ASZ1: variants seen among roughly 807,000 people sequenced by gnomAD.
ASZ1 encodes the protein ankyrin repeat, SAM and basic leucine zipper domain-containing protein 1.
In ASZ1, 67 loss-of-function variants were observed where a neutral mutation model predicts 61.8. The ratio of observed to expected loss-of-function variants is 1.08; its 90% CI spans 0.89 to 1.33. The LOEUF (loss-of-function observed/expected upper bound fraction) is 1.33, where lower values mean the gene tolerates loss of function less well. Among genes scored for constraint, ASZ1 ranks in the 40% most tolerant of loss-of-function variants. The pLI is 0.00. For missense variants in ASZ1, 577 were observed against 554.5 expected (o/e 1.04, Z -0.41); for synonymous variants, 193 against 192.7 (o/e 1.00, Z -0.01).
In ASZ1 at chr7:117,367,343, A is replaced by T; in HGVS notation, c.1275+9T>A. The T allele has an allele frequency of 6.8e-7, 1 of 1,477,096 alleles. No individual in the cohort carries two copies. The allele number at this position is 1,477,096 out of a possible 1,614,324, so 91.5% of individuals were successfully genotyped here. A position where few individuals can be genotyped will look rare whatever the true frequency, so the allele number is the denominator to read the frequency against. ...CATTTTTCCCCTCCTTTTAATGTTA[A>T]ATATATACCTTTTGAATTAGGTCTT... On this transcript the variant is annotated intron_variant, in intron 12 of 12. Coordinates refer to ENST00000284629, the MANE Select transcript of ASZ1 (RefSeq NM_130768.3).
intron 4 of ASZ1, among the ~76,000 whole-genome samples, chr7:117,388,146 T>C (rs1246018928): frequency 1.3e-5 from 2 of 152,164 alleles, no homozygotes; most frequent in Non-Finnish European, 2.9e-5. Context: ...TTTTAAAAAC[T>C]TAATTAGTAA....
At chr7:117,424,278 A>G (rs990150832) in intron 2 of ASZ1, among the ~76,000 whole-genome samples, 81 of 152,340 alleles carry the variant, frequency 5.3e-4, no homozygotes, top group African/African-American at 1.9e-3. Flanking sequence ...TTTTATTTTT[A>G]GAGTTTCCAA....
At chr7:117,364,633 T>G (rs926505019) in intron 12 of ASZ1, among the ~76,000 whole-genome samples, 1 of 152,154 alleles carries the variant, frequency 6.6e-6, no homozygotes, top group Non-Finnish European at 1.5e-5. Context: ...ACATAAATAC[T>G]TTCAACATCA....
chr7:117,403,225 C>G (rs1796713639), intron 4 of ASZ1, among the ~76,000 whole-genome samples: 2 of 152,098 alleles, frequency 1.3e-5, no homozygotes, highest in African/African-American at 4.8e-5. Context: ...CTATTTTCAT[C>G]AGAAGGGAAG....
intron 4 of ASZ1, among the ~76,000 whole-genome samples, chr7:117,412,342 A>C (rs1796912953): frequency 6.6e-6 from 1 of 151,888 alleles, no homozygotes; most frequent in Non-Finnish European, 1.5e-5. Context: ...TCTAAGTAAG[A>C]TATTTCTAAA....
At chr7:117,389,850 C>T (rs1434098967) in intron 4 of ASZ1, among the ~76,000 whole-genome samples, 4 of 152,170 alleles carry the variant, frequency 2.6e-5, no homozygotes, top group South Asian at 2.1e-4. Context: ...CACCACATCT[C>T]GTTTCTCCTA....
chr7:117,403,811 C>T (rs187843442), intron 4 of ASZ1, among the ~76,000 whole-genome samples: 3 of 152,208 alleles, frequency 2.0e-5, no homozygotes, highest in Admixed American at 6.5e-5. Flanking sequence ...GGAACTGAGC[C>T]GCAGAGCAGG....
Position 117,378,765 on chromosome 7 carries a change from A to G in ASZ1, c.1055+1173T>C, listed in dbSNP as rs561159025. Among the ~76,000 whole-genome samples the G allele has an allele frequency of 2.0e-5, 3 of 152,146 alleles. No homozygotes were observed. In the South Asian group the frequency reaches 6.2e-4, roughly 32 times the overall value. On this transcript the variant is annotated intron_variant, in intron 10 of 12. Coordinates refer to ENST00000284629, the MANE Select transcript of ASZ1 (RefSeq NM_130768.3). ...GTTTTATTTGGAATAGCTAAAAACT[A>G]AAATCTACTCAAATGTTCTTCAATG...
intron 4 of ASZ1, among the ~76,000 whole-genome samples, chr7:117,387,000 T>TA (rs1425326556): frequency 1.3e-5 from 2 of 151,740 alleles, no homozygotes; most frequent in Non-Finnish European, 2.9e-5. Context: ...TAAGCAAACA[T>TA]AAAAAAATAT....
In ASZ1 at chr7:117,411,644, G is replaced by A. The variant is rs137973094; in HGVS notation, c.440+8519C>T. 3.7e-3 allele frequency among the ~76,000 whole-genome samples: 569 copies of A among 151,884 alleles called. 4 individuals are homozygous for A. Among genetic ancestry groups the A allele is most frequent in the African/African-American group, 0.013 (553 of 41,526 alleles). ...TCTGGAAGTCTTCTACAGAATTAAC[G>A]CGTACCAAGGATATTATCATCGTTA... is the stretch of plus-strand genomic sequence containing the variant. On this transcript the variant is annotated intron_variant, in intron 4 of 12. Coordinates refer to ENST00000284629, the MANE Select transcript of ASZ1 (RefSeq NM_130768.3).
At chr7:117,407,427 A>AT (rs1796806113) in intron 4 of ASZ1, among the ~76,000 whole-genome samples, 1 of 152,024 alleles carries the variant, frequency 6.6e-6, no homozygotes, top group Non-Finnish European at 1.5e-5. Flanking sequence ...AAAAAAAATC[A>AT]GGACAGTAGT....
chr7:117,382,604 A>G (rs1796276580), intron 7 of ASZ1, among the ~76,000 whole-genome samples: 1 of 152,154 alleles, frequency 6.6e-6, no homozygotes, highest in Non-Finnish European at 1.5e-5. Flanking sequence ...ATTTTTGGCC[A>G]TGTACTCAAC....
intron 4 of ASZ1, among the ~76,000 whole-genome samples, chr7:117,408,251 AC>A (rs1796829438): frequency 6.6e-6 from 1 of 151,862 alleles, no homozygotes; most frequent in Non-Finnish European, 1.5e-5. Context: ...ATGTCTAAAG[AC>A]TCTTATCATT....
At chr7:117,424,584 A>C (rs1346793947) in intron 2 of ASZ1, among the ~76,000 whole-genome samples, 3 of 152,220 alleles carry the variant, frequency 2.0e-5, no homozygotes, top group African/African-American at 4.8e-5. Context: ...GCTCTGTTCA[A>C]GAGACTGAAA....
chr7:117,418,662 A>G (rs1797043424), intron 4 of ASZ1, among the ~76,000 whole-genome samples: 1 of 149,576 alleles, frequency 6.7e-6, no homozygotes, highest in Middle Eastern at 3.6e-3. Flanking sequence ...CAAAAAAAAA[A>G]AAAAATGTTT....
intron 5 of ASZ1, among the ~76,000 whole-genome samples, chr7:117,385,486 C>G (rs1471862011): frequency 6.6e-6 from 1 of 152,088 alleles, no homozygotes; most frequent in African/African-American, 2.4e-5. Context: ...GTCTCAAATT[C>G]CTAACCTCAA....
chr7:117,420,823 C>A lies in ASZ1; in HGVS notation c.329-549G>T, dbSNP rs1160469371. Among the ~76,000 whole-genome samples, 3 of 152,116 alleles carry A rather than the reference C, an allele frequency of 2.0e-5. No homozygotes were observed. The East Asian group carries it at 5.8e-4, about 29-fold the overall frequency. ...TGGCTCTCATGGTGCCAGCAAAGAT[C>A]AGAGTAAATTAAACACAAAAAACAC... On this transcript the variant is annotated intron_variant, in intron 3 of 12. Transcript: ENST00000284629.
chr7:117,405,039 T>C (rs948827747), intron 4 of ASZ1, among the ~76,000 whole-genome samples: 4 of 152,098 alleles, frequency 2.6e-5, no homozygotes, highest in Non-Finnish European at 5.9e-5. Context: ...GCAGGGCAAG[T>C]CTTGAGGGGC....
intron 12 of ASZ1, among the ~76,000 whole-genome samples, chr7:117,365,358 A>C (rs1795914472): frequency 6.6e-6 from 1 of 152,218 alleles, no homozygotes. Flanking sequence ...GGTATGCATT[A>C]TTAAAATAAA....
Sources: gnomAD v4.1 joint callset for allele counts (sites outside exome capture counted in the v4.1 genomes callset) on GRCh38, gnomAD v4.1.1 for gene constraint, MANE v1.5 for transcripts, NCBI Gene and HGNC (gene_info 2026-07-23, HGNC 2026-07-21) for gene names.